The following ANKS1B variants were observed in gnomAD, a reference collection of about 807,000 sequenced individuals.
ANKS1B encodes ankyrin repeat and sterile alpha motif domain-containing protein 1B.
ANKS1B carries 36 observed loss-of-function variants against 148.3 expected under a neutral mutation model. The ratio of observed to expected loss-of-function variants is 0.24; its 90% CI spans 0.19 to 0.32. The LOEUF is 0.32. Among genes scored for constraint, ANKS1B ranks in the 10% least tolerant of loss-of-function variants. ANKS1B has a pLI of 1.00. For missense variants in ANKS1B, 1,157 were observed against 1,542.6 expected, an observed-to-expected ratio of 0.75 and a Z score of 4.19; for synonymous variants, 542 against 560.8, an observed-to-expected ratio of 0.97 and a Z score of 0.47.
At chr12:99,562,054 A>C (rs1194288615) in intron 9 of ANKS1B, among the ~76,000 whole-genome samples, 1 of 152,240 alleles carries the variant, frequency 6.6e-6, no homozygotes, top group Non-Finnish European at 1.5e-5. Context: ...ACATAAAAAC[A>C]ACACTAATAT....
Position 98,980,198 on chromosome 12 carries a change from T to TTTTG in ANKS1B, c.2778+72955_2778+72958dup, listed in dbSNP as rs201513045. On this transcript the variant is annotated intron_variant, in intron 17 of 26. Coordinates refer to ENST00000683438, the MANE Select transcript of ANKS1B (RefSeq NM_001352186.2). ...CCTTTAAATACTTGCAAATAGGTTT[T>TTTTG]TTTGTTTGTTTGTTTGTTTTGAGAC... Among the ~76,000 whole-genome samples, 1,360 of 152,268 alleles carry TTTTG rather than the reference T, an allele frequency of 8.9e-3. 18 individuals carry two copies. Among genetic ancestry groups the TTTTG allele is most frequent in the African/African-American group, 0.031 (1,291 of 41,542 alleles).
chr12:99,351,010 T>C (rs2091352048), intron 12 of ANKS1B, among the ~76,000 whole-genome samples: 1 of 152,144 alleles, frequency 6.6e-6, no homozygotes, highest in Non-Finnish European at 1.5e-5. Context: ...TCCCTTATAG[T>C]AATCTAGGTT....
intron 9 of ANKS1B, among the ~76,000 whole-genome samples, chr12:99,580,926 GATGTTCATGGATA>G (rs897827929): frequency 6.6e-6 from 1 of 152,112 alleles, no homozygotes; most frequent in African/African-American, 2.4e-5. Context: ...AGCTATGCAT[GATGTTCATGGATA>G]GAAAATTCAT....
At chr12:99,028,100 G>A (rs1033991720) in intron 17 of ANKS1B, among the ~76,000 whole-genome samples, 1 of 152,104 alleles carries the variant, frequency 6.6e-6, no homozygotes, top group African/African-American at 2.4e-5. Flanking sequence ...AATGTCATTT[G>A]TTATCATTAT....
chr12:99,793,543 G>A (rs538881900), intron 4 of ANKS1B, among the ~76,000 whole-genome samples: 6 of 151,908 alleles, frequency 3.9e-5, no homozygotes, highest in African/African-American at 7.2e-5. Context: ...ACTCATTTTC[G>A]ACAAAAGAGC....
intron 10 of ANKS1B, among the ~76,000 whole-genome samples, chr12:99,480,700 A>G (rs1055144136): frequency 2.6e-5 from 4 of 151,842 alleles, no homozygotes; most frequent in Non-Finnish European, 5.9e-5. Flanking sequence ...GTTACATATG[A>G]CATTATTTAG....
At chr12:99,738,465 A>T (rs1353091496) in intron 8 of ANKS1B, among the ~76,000 whole-genome samples, 2 of 152,252 alleles carry the variant, frequency 1.3e-5, no homozygotes, top group African/African-American at 4.8e-5. Flanking sequence ...TTTTTATTGT[A>T]GTATTTCAGT....
intron 9 of ANKS1B, among the ~76,000 whole-genome samples, chr12:99,542,501 G>A (rs1301917288): frequency 6.9e-6 from 1 of 144,996 alleles, no homozygotes. Flanking sequence ...TGATCAACAG[G>A]TTCATCAAAA....
At position 98,936,383 on chromosome 12, in the gene ANKS1B, C is replaced by T. The variant is rs370382426; in HGVS notation, c.2779-104247G>A. 5.9e-5 allele frequency among the ~76,000 whole-genome samples: 9 copies of T among 152,260 alleles called. 1 individual carries two copies. Among genetic ancestry groups the T allele is most frequent in the Admixed American group, 2.0e-4 (3 of 15,292 alleles). ...GTGGCTCATGCCTGTAATCCCAGCA[C>T]TTTGGGAGGCTGAGGTGGGCGGATC... On this transcript the variant is annotated intron_variant, in intron 17 of 26. Transcript: ENST00000683438.
chr12:99,188,727 C>T (rs1306434996), intron 14 of ANKS1B, among the ~76,000 whole-genome samples: 1 of 152,104 alleles, frequency 6.6e-6, no homozygotes, highest in Non-Finnish European at 1.5e-5. Context: ...GCACTAAATG[C>T]CCACAGCAGA....
chr12:99,852,762 G>T lies in ANKS1B; in HGVS notation c.135-27373C>A, dbSNP rs936304686. The stretch of plus-strand genomic sequence containing the variant: ...TTGGCACCGCAGGCTGTGTGGGACA[G>T]CAGAGGAACTGTAAGTCTACTCGCT... On this transcript the variant is annotated intron_variant, in intron 1 of 26. Coordinates refer to ENST00000683438, the MANE Select transcript of ANKS1B (RefSeq NM_001352186.2). Among the ~76,000 whole-genome samples, 15 of 152,242 alleles carry T rather than the reference G, an allele frequency of 9.9e-5. 1 individual carries two copies. The highest frequency in any genetic ancestry group is 3.6e-4 in the African/African-American group (15 of 41,462).
Position 99,585,247 on chromosome 12 carries a change from G to A in ANKS1B, c.1272+69820C>T, listed in dbSNP as rs1261299285. On this transcript the variant is annotated intron_variant, in intron 9 of 26. Coordinates refer to ENST00000683438, the MANE Select transcript of ANKS1B (RefSeq NM_001352186.2). Reference sequence around the variant, plus strand: ...ATTGGCCAAAATGAAGGGACTACGGGCCCCAGGCAAGTCCAAAATCCAGCA... The same window carrying A: ...ATTGGCCAAAATGAAGGGACTACGGACCCCAGGCAAGTCCAAAATCCAGCA... 3.3e-5 allele frequency among the ~76,000 whole-genome samples: 5 copies of A among 152,076 alleles called. No homozygotes were observed. In the South Asian group the frequency reaches 6.2e-4, roughly 19 times the overall value.
chr12:98,739,098 C>A (rs2097786320), downstream of ANKS1B, among the ~76,000 whole-genome samples: 1 of 152,182 alleles, frequency 6.6e-6, no homozygotes. Flanking sequence ...GGTTAGGTTT[C>A]CAGGGCCCCA....
chr12:99,163,044 C>A (rs993396427), intron 14 of ANKS1B, among the ~76,000 whole-genome samples: 1 of 148,708 alleles, frequency 6.7e-6, no homozygotes, highest in African/African-American at 2.5e-5. Context: ...GGCGACAGAG[C>A]GAGACTCTGT....
chr12:99,768,270 A>G (rs540849547), intron 8 of ANKS1B, among the ~76,000 whole-genome samples: 1 of 152,234 alleles, frequency 6.6e-6, no homozygotes, highest in Non-Finnish European at 1.5e-5. Flanking sequence ...AACCAGTAAT[A>G]TAAATAACAG....
At chr12:99,919,779 T>TAAAAAAA (rs61076587) in intron 1 of ANKS1B, among the ~76,000 whole-genome samples, 20,643 of 133,406 alleles carry the variant, frequency 0.15, 1,832 homozygotes, top group Middle Eastern at 0.34. Flanking sequence ...GCTGCAGAGT[T>TAAAAAAA]AAAAAAAAAA....
intron 12 of ANKS1B, among the ~76,000 whole-genome samples, chr12:99,302,181 A>C (rs531088056): frequency 5.6e-4 from 86 of 152,298 alleles, no homozygotes; most frequent in African/African-American, 1.9e-3. Context: ...TTTTACATGA[A>C]AATCATATTT....
At chr12:99,630,408 G>A (rs907345463) in intron 9 of ANKS1B, among the ~76,000 whole-genome samples, 6 of 152,028 alleles carry the variant, frequency 3.9e-5, no homozygotes, top group Non-Finnish European at 8.8e-5. Flanking sequence ...ATCTAAAGAT[G>A]TGAACAATAC....
In ANKS1B at chr12:98,744,640, GTT is replaced by G; in HGVS notation, c.*1097_*1098del. 2.3e-6 allele frequency: 2 copies of G among 854,340 alleles called. No homozygotes were observed. The highest frequency in any genetic ancestry group is 2.8e-6 in the Non-Finnish European group (2 of 716,234). The allele number at this position is 854,340 out of a possible 1,614,324, so 52.9% of individuals were successfully genotyped here. A position where few individuals can be genotyped will look rare whatever the true frequency, so the allele number is the denominator to read the frequency against. ...CAAATAGTAAGCAAACTTTTTTTTT[GTT>G]TGTCTCAAGAAAAGTTTTATTACTT... On this transcript the variant is annotated 3_prime_UTR_variant, in exon 27 of 27. Transcript: ENST00000683438.
Sources: gnomAD v4.1 joint callset for allele counts (sites outside exome capture counted in the v4.1 genomes callset) on GRCh38, gnomAD v4.1.1 for gene constraint, MANE v1.5 for transcripts, NCBI Gene and HGNC (gene_info 2026-07-23, HGNC 2026-07-21) for gene names.